SUZ12: variants seen among roughly 807,000 people sequenced by gnomAD.
SUZ12 encodes the protein polycomb protein SUZ12.
A neutral mutation model predicts 87.3 loss-of-function variants in SUZ12; 17 were observed. That is an observed-to-expected ratio of 0.19 (90% CI 0.13 to 0.29). The LOEUF (loss-of-function observed/expected upper bound fraction) is 0.29, where lower values mean the gene tolerates loss of function less well. SUZ12 is among the 10% of genes least tolerant of loss of function. The pLI is 1.00. For missense variants in SUZ12, 526 were observed against 912.2 expected, an observed-to-expected ratio of 0.58 and a Z score of 5.45; for synonymous variants, 253 against 312.4, an observed-to-expected ratio of 0.81 and a Z score of 2.01.
intron 4 of SUZ12, among the ~76,000 whole-genome samples, chr17:31,965,089 G>A (rs577966237): frequency 3.3e-5 from 5 of 152,016 alleles, no homozygotes; most frequent in African/African-American, 9.6e-5. Context: ...TTGCCACAAT[G>A]TCTTTCTGTA....
At chr17:31,966,401 G>T (rs1285950851) in intron 5 of SUZ12, 1 of 525,522 alleles carries the variant, frequency 1.9e-6, no homozygotes. Flanking sequence ...AGGCTGGAGT[G>T]CAATGTTATG....
intron 4 of SUZ12, among the ~76,000 whole-genome samples, chr17:31,949,409 C>T (rs1482064509): frequency 6.6e-6 from 1 of 152,120 alleles, no homozygotes; most frequent in Admixed American, 6.6e-5. Flanking sequence ...ATTTAAGCCT[C>T]TCAAGATTCT....
chr17:31,945,447 G>C (rs552165781), intron 3 of SUZ12, among the ~76,000 whole-genome samples: 2 of 152,272 alleles, frequency 1.3e-5, no homozygotes, highest in South Asian at 2.1e-4. Flanking sequence ...TATAGGTCAC[G>C]AGAAGGGCAT....
At chr17:31,971,720 A>T (rs1234665460) in intron 5 of SUZ12, among the ~76,000 whole-genome samples, 2 of 152,008 alleles carry the variant, frequency 1.3e-5, no homozygotes, top group Non-Finnish European at 2.9e-5. Context: ...GTGAGCCACC[A>T]CACCTGGCCC....
chr17:31,991,245 C>CT lies in SUZ12; in HGVS notation c.1202-1996dup, dbSNP rs201633483. Among the ~76,000 whole-genome samples the CT allele has an allele frequency of 7.3e-3, 1,104 of 152,190 alleles. 9 individuals carry two copies. Among genetic ancestry groups the CT allele is most frequent in the African/African-American group, 0.025 (1,020 of 41,450 alleles). ...TAAGAAATGGGGCCGGGCGCAGTGG[C>CT]TGACATCTGTAATTCCAGCACTTTG... On this transcript the variant is annotated intron_variant, in intron 10 of 15. Coordinates refer to ENST00000322652, the MANE Select transcript of SUZ12 (RefSeq NM_015355.4).
At chr17:31,951,889 C>T (rs1027104296) in intron 4 of SUZ12, among the ~76,000 whole-genome samples, 12 of 151,516 alleles carry the variant, frequency 7.9e-5, no homozygotes, top group South Asian at 2.1e-4. Flanking sequence ...ATTCTCCTGC[C>T]GCAGCCTCCC....
At chr17:31,987,525 CAAAG>C (rs1014478631) in intron 9 of SUZ12, among the ~76,000 whole-genome samples, 3 of 151,482 alleles carry the variant, frequency 2.0e-5, no homozygotes, top group African/African-American at 7.3e-5. Flanking sequence ...TGAGAGAAGT[CAAAG>C]AAAATTACTA....
chr17:31,994,837 A>G, intron 13 of SUZ12, 116 bp downstream of exon 13: 1 of 1,132,578 alleles, frequency 8.8e-7, no homozygotes. Flanking sequence ...ATTTTTCAGT[A>G]TTAGGTGTCT....
chr17:31,940,787 C>T (rs1418910242), intron 3 of SUZ12, among the ~76,000 whole-genome samples: 2 of 151,018 alleles, frequency 1.3e-5, no homozygotes, highest in Admixed American at 6.6e-5. Context: ...CCAAGTTGGG[C>T]GGATCACTTG....
chr17:31,983,277 T>C (rs1909216923), intron 9 of SUZ12, among the ~76,000 whole-genome samples, 173 bp downstream of exon 9: 1 of 148,004 alleles, frequency 6.8e-6, no homozygotes, highest in South Asian at 2.1e-4. Flanking sequence ...TATCATTCTT[T>C]TTTTTTTTTT....
At chr17:31,986,061 T>G (rs1053326613) in intron 9 of SUZ12, among the ~76,000 whole-genome samples, 1 of 151,920 alleles carries the variant, frequency 6.6e-6, no homozygotes, top group Non-Finnish European at 1.5e-5. Context: ...CTCTGCCTCC[T>G]GGGTTCAAGC....
chr17:31,939,746 G>A (rs542895310), intron 1 of SUZ12, among the ~76,000 whole-genome samples: 32 of 152,114 alleles, frequency 2.1e-4, no homozygotes, highest in Non-Finnish European at 4.3e-4. Flanking sequence ...GGCTGGTCTC[G>A]AACTCCCGAC....
chr17:31,982,933 A>T, intron 8 of SUZ12, 66 bp from the exon 9 acceptor site: 1 of 1,403,504 alleles, frequency 7.1e-7, no homozygotes, highest in East Asian at 2.3e-5. Flanking sequence ...AAATCTAAAG[A>T]TGTAGAATTT....
chr17:31,999,126 G>T lies in SUZ12; in HGVS notation c.*123G>T. 1.3e-6 allele frequency: 1 copy of T among 766,310 alleles called. No individual in the cohort carries two copies. The allele number at this position is 766,310 out of a possible 1,614,324, so 47.5% of individuals were successfully genotyped here. A position where few individuals can be genotyped will look rare whatever the true frequency, so the allele number is the denominator to read the frequency against. ...ACAGGCACTGTTAGATGAAGTAAAT[G>T]ATTTCAACAAGGATATTTGTATCAG... is the stretch of plus-strand genomic sequence containing the variant. On this transcript the variant is annotated 3_prime_UTR_variant, in exon 16 of 16. Coordinates refer to ENST00000322652, the MANE Select transcript of SUZ12 (RefSeq NM_015355.4).
intron 4 of SUZ12, among the ~76,000 whole-genome samples, chr17:31,951,775 CTTTT>C (rs61047916): frequency 8.7e-6 from 1 of 114,324 alleles, no homozygotes; most frequent in Non-Finnish European, 1.8e-5. Context: ...CGCGCCCAGC[CTTTT>C]TTTTTTTTTT....
At position 31,999,734 on chromosome 17, in the gene SUZ12, C is replaced by A. The variant is rs1292551126; in HGVS notation, c.*731C>A. Reference sequence around the variant, plus strand: ...ATGTGGATAATTTTAGTGCATTGCTCACCCGGTATGTTTTTTTTTTTTAAC... The same window carrying A: ...ATGTGGATAATTTTAGTGCATTGCTAACCCGGTATGTTTTTTTTTTTTAAC... On this transcript the variant is annotated 3_prime_UTR_variant, in exon 16 of 16. Transcript: ENST00000322652. 4.3e-6 allele frequency: 1 copy of A among 231,124 alleles called. No individual in the cohort carries two copies. Among genetic ancestry groups the A allele is most frequent in the South Asian group, 1.8e-4 (1 of 5,484 alleles). The allele number at this position is 231,124 out of a possible 1,614,324, so 14.3% of individuals were successfully genotyped here. A position where few individuals can be genotyped will look rare whatever the true frequency, so the allele number is the denominator to read the frequency against.
chr17:31,951,967 G>T (rs1225238281), intron 4 of SUZ12, among the ~76,000 whole-genome samples: 1 of 151,922 alleles, frequency 6.6e-6, no homozygotes, highest in African/African-American at 2.4e-5. Context: ...TAGAGACAGG[G>T]TTTCACCATG....
rs1380012659 is a variant in SUZ12 at position 31,937,056 on chromosome 17, T to C, written c.-191T>C. 2.7e-5 allele frequency: 13 copies of C among 485,240 alleles called. No individual in the cohort carries two copies. The highest frequency in any genetic ancestry group is 4.5e-5 in the Non-Finnish European group (13 of 291,718). 30.1% of individuals were successfully genotyped at this position (485,240 alleles called of 1,614,324 possible). On this transcript the variant is annotated 5_prime_UTR_variant, in exon 1 of 16. Transcript: ENST00000322652. Reference sequence around the variant, plus strand: ...CGGCCTCCGAAGCGGAGCGGGGCTCTGAGGAGACACTTTTTTTTTCCTCCC... The same window carrying C: ...CGGCCTCCGAAGCGGAGCGGGGCTCCGAGGAGACACTTTTTTTTTCCTCCC...
At chr17:31,952,240 T>C (rs747748871) in intron 4 of SUZ12, among the ~76,000 whole-genome samples, 2 of 151,550 alleles carry the variant, frequency 1.3e-5, no homozygotes, top group African/African-American at 4.9e-5. Context: ...TTTAAATTTT[T>C]GTAGAGGCAG....
Sources: allele counts gnomAD v4.1 joint callset (sites outside exome capture counted in the v4.1 genomes callset), GRCh38; gene constraint gnomAD v4.1.1; transcripts MANE v1.5; gene names NCBI Gene and HGNC (gene_info 2026-07-23, HGNC 2026-07-21).